Variants in DPP10 observed in about 807,000 individuals in gnomAD.
DPP10 encodes the protein inactive dipeptidyl peptidase 10.
DPP10 carries 33 observed loss-of-function variants against 120.9 expected under a neutral mutation model. The observed-to-expected ratio is 0.27, with a 90% CI of 0.21 to 0.37. The LOEUF is 0.37. Among genes scored for constraint, DPP10 ranks in the 10% least tolerant of loss-of-function variants. The probability of loss-of-function intolerance (pLI) is 1.00; values close to 1 mark genes in which losing one functional copy is unlikely to be tolerated. For synonymous variants in DPP10, 337 were observed against 326.1 expected, an observed-to-expected ratio of 1.03 and a Z score of -0.36; for missense variants, 816 against 942.8, an observed-to-expected ratio of 0.87 and a Z score of 1.76.
chr2:115,210,314 T>C (rs1412592122), intron 1 of DPP10, among the ~76,000 whole-genome samples: 3 of 152,154 alleles, frequency 2.0e-5, no homozygotes, highest in African/African-American at 7.2e-5. Flanking sequence ...AATGATGGTT[T>C]CCAGCTTCAT....
chr2:114,728,629 C>T (rs1574055780), intron 1 of DPP10, among the ~76,000 whole-genome samples: 1 of 152,084 alleles, frequency 6.6e-6, no homozygotes, highest in Non-Finnish European at 1.5e-5. Flanking sequence ...AGAGGGTTCA[C>T]TAGATAAGTA....
chr2:114,810,682 T>C (rs1012334144), intron 1 of DPP10, among the ~76,000 whole-genome samples: 4 of 152,220 alleles, frequency 2.6e-5, no homozygotes, highest in East Asian at 1.9e-4. Context: ...AGTTTTATGT[T>C]ACTATATTGG....
At chr2:114,929,246 A>G (rs1242325152) in intron 1 of DPP10, among the ~76,000 whole-genome samples, 12 of 152,158 alleles carry the variant, frequency 7.9e-5, no homozygotes, top group Admixed American at 7.9e-4. Flanking sequence ...CGAAATTAGA[A>G]TTACTGATGA....
At position 115,290,219 on chromosome 2, in the gene DPP10, C is replaced by A. The variant is rs144603268; in HGVS notation, c.61-19020C>A. Among the ~76,000 whole-genome samples, 621 of 151,942 alleles carry A rather than the reference C, an allele frequency of 4.1e-3. 5 individuals carry two copies. The highest frequency in any genetic ancestry group is 0.015 in the African/African-American group (607 of 41,496). On this transcript the variant is annotated intron_variant, in intron 1 of 25. Transcript: ENST00000410059. ...GTAAATTGTATTTTTAAAATTATAA[C>A]AAAAGAGTGAAATCTAGTAAATGTT...
At chr2:114,987,897 G>C (rs1055872604) in intron 1 of DPP10, among the ~76,000 whole-genome samples, 3 of 144,688 alleles carry the variant, frequency 2.1e-5, no homozygotes, top group Non-Finnish European at 4.5e-5. Flanking sequence ...TCCGCCTCCC[G>C]GGTTCACACC....
chr2:115,201,462 CAAAAT>C (rs1208594448), intron 1 of DPP10, among the ~76,000 whole-genome samples: 30 of 152,166 alleles, frequency 2.0e-4, no homozygotes, highest in African/African-American at 3.4e-4. Flanking sequence ...GACTCTGTCT[CAAAAT>C]AAAATAAAGT....
intron 8 of DPP10, among the ~76,000 whole-genome samples, chr2:115,738,475 A>T (rs1676867741): frequency 6.6e-6 from 1 of 152,146 alleles, no homozygotes; most frequent in Non-Finnish European, 1.5e-5. Context: ...TGCTGTGTGG[A>T]GCCTTTGCCA....
At chr2:115,765,622 T>G (rs947083809) in intron 12 of DPP10, among the ~76,000 whole-genome samples, 1 of 152,134 alleles carries the variant, frequency 6.6e-6, no homozygotes, top group African/African-American at 2.4e-5. Context: ...ATCTTGGAAA[T>G]TCTTTTGTTT....
intron 1 of DPP10, among the ~76,000 whole-genome samples, chr2:114,558,339 C>T (rs541636787): frequency 6.6e-6 from 1 of 152,328 alleles, no homozygotes; most frequent in South Asian, 2.1e-4. Context: ...GGCTCTCTTT[C>T]TGGTCTTGAA....
At chr2:115,692,556 T>C (rs1001448411) in intron 7 of DPP10, among the ~76,000 whole-genome samples, 2 of 152,042 alleles carry the variant, frequency 1.3e-5, no homozygotes, top group Non-Finnish European at 2.9e-5. Flanking sequence ...ATTTACCTTA[T>C]TTACCTTTAA....
At chr2:114,480,406 C>T (rs1470666714) in intron 1 of DPP10, among the ~76,000 whole-genome samples, 3 of 152,024 alleles carry the variant, frequency 2.0e-5, no homozygotes, top group Non-Finnish European at 4.4e-5. Flanking sequence ...CACATGCACA[C>T]GTATGTTTAT....
chr2:115,481,202 C>T (rs1030892646), intron 3 of DPP10, among the ~76,000 whole-genome samples: 11 of 152,106 alleles, frequency 7.2e-5, no homozygotes, highest in Non-Finnish European at 1.3e-4. Context: ...AGTGCAATTA[C>T]TCATATGCCC....
intron 21 of DPP10, among the ~76,000 whole-genome samples, chr2:115,826,899 G>C (rs1015360267): frequency 6.6e-6 from 1 of 151,874 alleles, no homozygotes; most frequent in African/African-American, 2.4e-5. Flanking sequence ...CAAAGAGTTG[G>C]GTCTTGCTTT....
chr2:115,681,671 T>C (rs1048436010), intron 5 of DPP10, among the ~76,000 whole-genome samples: 1 of 151,314 alleles, frequency 6.6e-6, no homozygotes, highest in African/African-American at 2.4e-5. Flanking sequence ...GTGGTTTTTT[T>C]CCCCTTTCTT....
intron 1 of DPP10, among the ~76,000 whole-genome samples, chr2:114,847,067 C>A (rs1688600282): frequency 1.3e-5 from 2 of 152,012 alleles, no homozygotes; most frequent in Admixed American, 1.3e-4. Flanking sequence ...CATATCATAT[C>A]ATATCATATC....
rs1206877697 is a variant in DPP10 at position 115,002,669 on chromosome 2, A to G, written c.61-306570A>G. Reference sequence around the variant, plus strand: ...TAAGAAACTTAAACAAATGTACAAGAAAAAAATAACCCCACTAATAAGTGA... The same window carrying G: ...TAAGAAACTTAAACAAATGTACAAGGAAAAAATAACCCCACTAATAAGTGA... On this transcript the variant is annotated intron_variant, in intron 1 of 25. Coordinates refer to ENST00000410059, the MANE Select transcript of DPP10 (RefSeq NM_020868.6). Among the ~76,000 whole-genome samples, 5 of 152,288 alleles carry G rather than the reference A, an allele frequency of 3.3e-5. No homozygotes were observed. The South Asian group carries it at 8.3e-4, about 25-fold the overall frequency.
At chr2:114,734,725 T>C (rs775218916) in intron 1 of DPP10, among the ~76,000 whole-genome samples, 7 of 152,222 alleles carry the variant, frequency 4.6e-5, no homozygotes, top group Non-Finnish European at 7.3e-5. Context: ...GTGTCTGAAA[T>C]GGTCTCTTAA....
At chr2:114,571,333 G>A (rs111626451) in intron 1 of DPP10, among the ~76,000 whole-genome samples, 8,197 of 152,072 alleles carry the variant, frequency 0.054, 710 homozygotes, top group African/African-American at 0.19. Context: ...TGCTCCTGCC[G>A]TGTGAAGTGC....
chr2:114,888,582 G>T (rs1004136369), intron 1 of DPP10, among the ~76,000 whole-genome samples: 1 of 152,216 alleles, frequency 6.6e-6, no homozygotes, highest in Non-Finnish European at 1.5e-5. Context: ...CTTGTAGATA[G>T]AACTTGAATT....
Sources: gnomAD v4.1 joint callset for allele counts (sites outside exome capture counted in the v4.1 genomes callset) on GRCh38, gnomAD v4.1.1 for gene constraint, MANE v1.5 for transcripts, NCBI Gene and HGNC (gene_info 2026-07-23, HGNC 2026-07-21) for gene names.